CASQ2: variants seen among roughly 807,000 people sequenced by gnomAD.
CASQ2 encodes the protein calsequestrin 2.
A neutral mutation model predicts 46.5 loss-of-function variants in CASQ2; 49 were observed. The ratio of observed to expected loss-of-function variants is 1.05; its 90% CI spans 0.84 to 1.34. The LOEUF (loss-of-function observed/expected upper bound fraction) is 1.34, where lower values mean the gene tolerates loss of function less well. Among genes scored for constraint, CASQ2 ranks in the 40% most tolerant of loss-of-function variants. The pLI, the probability that CASQ2 is intolerant of heterozygous loss-of-function variation, is 0.00. For missense variants in CASQ2, 486 were observed against 481.3 expected, an observed-to-expected ratio of 1.01 and a Z score of -0.09; for synonymous variants, 174 against 168.5, an observed-to-expected ratio of 1.03 and a Z score of -0.25.
intron 5 of CASQ2, among the ~76,000 whole-genome samples, chr1:115,732,546 G>T (rs908541360): frequency 2.2e-4 from 33 of 152,184 alleles, no homozygotes; most frequent in African/African-American, 8.0e-4. Flanking sequence ...AGAAGGGGAA[G>T]TATGCAACCC....
Position 115,739,797 on chromosome 1 carries a change from A to AAG in CASQ2, c.420+930_420+931insCT, listed in dbSNP as rs1570833902. On this transcript the variant is annotated intron_variant, in intron 3 of 10. Coordinates refer to ENST00000261448, the MANE Select transcript of CASQ2 (RefSeq NM_001232.4). ...CTCCTCTAACTAGAGCCTTCTACTT[A>AAG]GGTAAGTCAATCACATTGTTTATTG... Among the ~76,000 whole-genome samples, 5 of 152,354 alleles carry AAG rather than the reference A, an allele frequency of 3.3e-5. No individual in the cohort carries two copies. In the East Asian group the frequency reaches 9.6e-4, roughly 29 times the overall value.
chr1:115,742,496 C>A (rs1245163353), intron 2 of CASQ2, among the ~76,000 whole-genome samples: 2 of 152,204 alleles, frequency 1.3e-5, no homozygotes, highest in Admixed American at 1.3e-4. Context: ...TCCTATAAAC[C>A]CCCAGGGATC....
chr1:115,701,929 A>AT (rs56927860), intron 10 of CASQ2, among the ~76,000 whole-genome samples: 35,104 of 148,346 alleles, frequency 0.24, 4,110 homozygotes, highest in South Asian at 0.3. Context: ...ATTCTTTTTT[A>AT]TTTTTTTTTT....
chr1:115,733,656 GGA>G (rs1647865128), intron 4 of CASQ2, among the ~76,000 whole-genome samples: 1 of 152,110 alleles, frequency 6.6e-6, no homozygotes, highest in Admixed American at 6.5e-5. Flanking sequence ...GTACACCTGG[GGA>G]GTTACTTGGG....
chr1:115,739,745 G>A (rs547876708), intron 3 of CASQ2, among the ~76,000 whole-genome samples: 13 of 152,358 alleles, frequency 8.5e-5, no homozygotes, highest in East Asian at 1.9e-4. Flanking sequence ...AATGGAGGCA[G>A]TGTCTGGATT....
At chr1:115,742,051 G>A (rs1271461279) in intron 2 of CASQ2, among the ~76,000 whole-genome samples, 1 of 151,888 alleles carries the variant, frequency 6.6e-6, no homozygotes, top group Non-Finnish European at 1.5e-5. Context: ...TATTCTTTTT[G>A]TTTGTTTGTT....
intron 7 of CASQ2, among the ~76,000 whole-genome samples, chr1:115,720,533 G>T (rs1270764543): frequency 6.6e-6 from 1 of 152,136 alleles, no homozygotes; most frequent in Non-Finnish European, 1.5e-5. Flanking sequence ...AGCAGAACAG[G>T]CTCCATGAAT....
In CASQ2 at chr1:115,713,387, G is replaced by A. The variant is rs75265016; in HGVS notation, c.838+4453C>T. ...CCTTCCCAGCCAGGCCTGCCTAAGG[G>A]CATGGGATGAGTACAGCAGGAGAGA... On this transcript the variant is annotated intron_variant, in intron 8 of 10. Transcript: ENST00000261448. 7.4e-4 allele frequency among the ~76,000 whole-genome samples: 112 copies of A among 152,332 alleles called. 3 individuals carry two copies. The East Asian group carries it at 0.018, about 24-fold the overall frequency.
chr1:115,713,165 G>A (rs1654601834), intron 8 of CASQ2, among the ~76,000 whole-genome samples: 1 of 152,142 alleles, frequency 6.6e-6, no homozygotes, highest in Non-Finnish European at 1.5e-5. Flanking sequence ...TAGAAACGCT[G>A]CTTTGCAAAC....
chr1:115,709,725 A>G (rs1368698036), intron 8 of CASQ2, among the ~76,000 whole-genome samples: 1 of 152,210 alleles, frequency 6.6e-6, no homozygotes, highest in Non-Finnish European at 1.5e-5. Context: ...TAAAAGGCTG[A>G]CTACAGAGTT....
At chr1:115,707,253 C>T (rs376130574) in intron 8 of CASQ2, among the ~76,000 whole-genome samples, 1 of 152,110 alleles carries the variant, frequency 6.6e-6, no homozygotes, top group Non-Finnish European at 1.5e-5. Context: ...TGGTTTTGAA[C>T]TCCTGGGCTC....
intron 1 of CASQ2, among the ~76,000 whole-genome samples, chr1:115,745,316 A>AC (rs948252509): frequency 6.6e-6 from 1 of 152,234 alleles, no homozygotes; most frequent in Admixed American, 6.5e-5. Flanking sequence ...ACACAAGAGG[A>AC]CCTAAGAATA....
At chr1:115,733,244 C>T (rs764542417) in intron 4 of CASQ2, among the ~76,000 whole-genome samples, 10 of 151,832 alleles carry the variant, frequency 6.6e-5, no homozygotes, top group South Asian at 4.2e-4. Context: ...CAGAGGGAAC[C>T]GGGAGGAAAA....
Position 115,714,620 on chromosome 1 carries a change from GT to G in CASQ2, c.838+3219del, listed in dbSNP as rs545158943. Among the ~76,000 whole-genome samples, 40 of 152,330 alleles carry G rather than the reference GT, an allele frequency of 2.6e-4. No individual in the cohort carries two copies. The South Asian group carries it at 8.3e-3, about 32-fold the overall frequency. ...AAGAGCAAAGGAATGCAGAGGGACT[GT>G]TTTGCAGGAATGACATTCCTAGTCC... On this transcript the variant is annotated intron_variant, in intron 8 of 10. Coordinates refer to ENST00000261448, the MANE Select transcript of CASQ2 (RefSeq NM_001232.4).
intron 1 of CASQ2, among the ~76,000 whole-genome samples, chr1:115,752,742 C>T (rs1033706472): frequency 6.6e-6 from 1 of 152,096 alleles, no homozygotes; most frequent in African/African-American, 2.4e-5. Flanking sequence ...ATTTGGGGAT[C>T]GTCTGAGTAG....
At chr1:115,753,600 G>A (rs17034469) in intron 1 of CASQ2, among the ~76,000 whole-genome samples, 1,911 of 152,264 alleles carry the variant, frequency 0.013, 39 homozygotes, top group African/African-American at 0.042. Flanking sequence ...CGAGAGGGGC[G>A]CCCTGTGCTG....
chr1:115,706,185 T>A (rs1654354884), intron 8 of CASQ2, among the ~76,000 whole-genome samples: 1 of 151,452 alleles, frequency 6.6e-6, no homozygotes, highest in South Asian at 2.1e-4. Flanking sequence ...CGTGTGTGTA[T>A]GTGTGTGTGC....
In CASQ2 at chr1:115,740,839, CAA is replaced by C; in HGVS notation, c.320-13_320-12del. 6.4e-7 allele frequency: 1 copy of C among 1,551,772 alleles called. No individual in the cohort carries two copies. On this transcript the variant is annotated splice_polypyrimidine_tract_variant and intron_variant, in intron 2 of 10. Coordinates refer to ENST00000261448, the MANE Select transcript of CASQ2 (RefSeq NM_001232.4). Reference sequence around the variant, plus strand: ...CTTCTTCATCAAAACCTGTAAGAAACAAAGAGGCCCACAGAGAAGGTCATCCT... The same window carrying C: ...CTTCTTCATCAAAACCTGTAAGAAACAGAGGCCCACAGAGAAGGTCATCCT...
chr1:115,764,998 AG>A (rs1468510252), intron 1 of CASQ2, among the ~76,000 whole-genome samples: 2 of 152,180 alleles, frequency 1.3e-5, no homozygotes, highest in African/African-American at 4.8e-5. Flanking sequence ...TTTAGGAAAA[AG>A]CTAGCAGGTG....
Sources: gnomAD v4.1 joint callset for allele counts (sites outside exome capture counted in the v4.1 genomes callset) on GRCh38, gnomAD v4.1.1 for gene constraint, MANE v1.5 for transcripts, NCBI Gene and HGNC (gene_info 2026-07-23, HGNC 2026-07-21) for gene names.